Variants in DOCK2 observed in about 807,000 individuals in gnomAD.
DOCK2 encodes the protein dedicator of cytokinesis protein 2.
In DOCK2, 87 loss-of-function variants were observed where a neutral mutation model predicts 248.9. The ratio of observed to expected loss-of-function variants is 0.35; its 90% CI spans 0.29 to 0.42. The LOEUF (loss-of-function observed/expected upper bound fraction) is 0.42, where lower values mean the gene tolerates loss of function less well. DOCK2 is among the 10% of genes least tolerant of loss of function. The probability of loss-of-function intolerance (pLI) is 1.00; values close to 1 mark genes in which losing one functional copy is unlikely to be tolerated. For synonymous variants in DOCK2, 805 were observed against 821.6 expected (o/e 0.98, Z 0.35); for missense variants, 1,747 against 2,300.2 (o/e 0.76, Z 4.92).
chr5:169,780,047 G>A (rs1017863778), intron 25 of DOCK2, among the ~76,000 whole-genome samples: 10 of 152,150 alleles, frequency 6.6e-5, no homozygotes, highest in East Asian at 1.9e-4. Context: ...CAGACCCAGC[G>A]TCTTCTAATC....
chr5:170,063,043 T>C (rs1211592941), intron 44 of DOCK2, among the ~76,000 whole-genome samples: 2 of 152,216 alleles, frequency 1.3e-5, no homozygotes, highest in Non-Finnish European at 2.9e-5. Flanking sequence ...GTTTCCCAAC[T>C]TTTACAGCTT....
At chr5:169,680,393 A>T (rs1759594034) in intron 6 of DOCK2, among the ~76,000 whole-genome samples, 1 of 152,234 alleles carries the variant, frequency 6.6e-6, no homozygotes, top group South Asian at 2.1e-4. Flanking sequence ...TAGTTGAAAC[A>T]AATCAATACC....
At chr5:169,884,029 C>T (rs1232018349) in intron 27 of DOCK2, 10 of 814,652 alleles carry the variant, frequency 1.2e-5, no homozygotes, top group Non-Finnish European at 1.8e-5. Context: ...TGGTCCTCTC[C>T]TCTTAGTATG....
intron 27 of DOCK2, among the ~76,000 whole-genome samples, chr5:169,847,356 G>A (rs948566764): frequency 6.6e-6 from 1 of 152,076 alleles, no homozygotes; most frequent in African/African-American, 2.4e-5. Flanking sequence ...TGCCAACATC[G>A]ATTGTTTTTT....
At position 169,910,486 on chromosome 5, in the gene DOCK2, C is replaced by T. The variant is rs372996841; in HGVS notation, c.2799+69634C>T. Among the ~76,000 whole-genome samples, 554 of 152,254 alleles carry T rather than the reference C, an allele frequency of 3.6e-3. 35 individuals are homozygous for T. In the South Asian group the frequency reaches 0.11, roughly 30 times the overall value. On this transcript the variant is annotated intron_variant, in intron 27 of 51. Coordinates refer to ENST00000520908, the MANE Select transcript of DOCK2 (RefSeq NM_004946.3). ...TGATTGTGCCGCCTGTGGTTGGAGG[C>T]GTGCTTACCTTTTCTCAGGCCTGAT... is the stretch of plus-strand genomic sequence containing the variant.
At position 169,702,381 on chromosome 5, in the gene DOCK2, TG is replaced by T; in HGVS notation, c.1339del (p.Glu447LysfsTer27). ...TACAACAAGACCACACAGAGGAATG[TG>T]GAAGTCATCATGTGTGTGTGCGCGG... is the stretch of plus-strand genomic sequence containing the variant. Reference protein sequence around the residue: ...DKYNKTTQRNVEVIMCVCAED... With the variant: ...DKYNKTTQRNXEVIMCVCAED... On this transcript the variant is annotated frameshift_variant, in exon 14 of 52. Coordinates refer to ENST00000520908, the MANE Select transcript of DOCK2 (RefSeq NM_004946.3). LOFTEE classifies it high-confidence loss of function. The T allele has an allele frequency of 6.2e-7, 1 of 1,613,984 alleles. No individual in the cohort carries two copies. Among genetic ancestry groups the T allele is most frequent in the Non-Finnish European group, 8.5e-7 (1 of 1,179,908 alleles).
intron 22 of DOCK2, among the ~76,000 whole-genome samples, chr5:169,736,147 G>T (rs572383999): frequency 1.3e-5 from 2 of 152,324 alleles, no homozygotes; most frequent in East Asian, 3.9e-4. Flanking sequence ...TTTGACAGGA[G>T]ATTTGGGCGG....
chr5:170,067,738 G>A (rs758155212), intron 45 of DOCK2, 52 bp downstream of exon 45: 1 of 1,592,910 alleles, frequency 6.3e-7, no homozygotes, highest in South Asian at 1.1e-5. Flanking sequence ...CAGAGCAGTG[G>A]TGGGAGGACC....
chr5:169,693,784 A>G (rs953934019), intron 9 of DOCK2, among the ~76,000 whole-genome samples: 1 of 152,168 alleles, frequency 6.6e-6, no homozygotes, highest in African/African-American at 2.4e-5. Flanking sequence ...TTGCGATCCT[A>G]AAGGCAGGCT....
At chr5:169,762,726 A>G (rs1581155015) in intron 25 of DOCK2, among the ~76,000 whole-genome samples, 1 of 152,188 alleles carries the variant, frequency 6.6e-6, no homozygotes, top group South Asian at 2.1e-4. Context: ...GTATCCTAAG[A>G]CCCAGCCTCT....
At chr5:169,820,695 T>C (rs879440003) in intron 26 of DOCK2, among the ~76,000 whole-genome samples, 1 of 152,044 alleles carries the variant, frequency 6.6e-6, no homozygotes, top group Non-Finnish European at 1.5e-5. Flanking sequence ...AACTGAAAAT[T>C]CTAAAAATCA....
At chr5:169,852,629 T>C (rs1019386094) in intron 27 of DOCK2, among the ~76,000 whole-genome samples, 1 of 152,234 alleles carries the variant, frequency 6.6e-6, no homozygotes, top group Non-Finnish European at 1.5e-5. Flanking sequence ...AATAAAAACA[T>C]GTTTGAAGCT....
intron 27 of DOCK2, among the ~76,000 whole-genome samples, chr5:169,979,620 A>G (rs899259062): frequency 2.3e-4 from 35 of 152,198 alleles, no homozygotes; most frequent in Admixed American, 2.0e-4. Flanking sequence ...TAGACACCAT[A>G]GCAGAAAAAA....
chr5:170,043,291 T>A (rs1756582369), intron 38 of DOCK2, among the ~76,000 whole-genome samples: 1 of 152,180 alleles, frequency 6.6e-6, no homozygotes. Flanking sequence ...GTACCTTCTT[T>A]CTAGTTGTAC....
In DOCK2 at chr5:169,654,571, G is replaced by A. The variant is rs1302996092; in HGVS notation, c.127+85G>A. On this transcript the variant is annotated intron_variant, in intron 2 of 51. Transcript: ENST00000520908. Reference sequence around the variant, plus strand: ...ACCCAGGCCCCTCAGCGCTGTCTCTGAACCTGCAACTGTGTGGTCTATTTA... The same window carrying A: ...ACCCAGGCCCCTCAGCGCTGTCTCTAAACCTGCAACTGTGTGGTCTATTTA... The A allele has an allele frequency of 3.6e-6, 5 of 1,401,506 alleles. No homozygotes were observed. In the African/African-American group the frequency reaches 4.3e-5, roughly 12 times the overall value. 86.8% of individuals were successfully genotyped at this position (1,401,506 alleles called of 1,614,324 possible). A position where few individuals can be genotyped will look rare whatever the true frequency, so the allele number is the denominator to read the frequency against.
At chr5:169,765,068 G>GCACACACACACACACA (rs764611025) in intron 25 of DOCK2, among the ~76,000 whole-genome samples, 16 of 79,754 alleles carry the variant, frequency 2.0e-4, no homozygotes, top group African/African-American at 3.5e-4. Flanking sequence ...GGCTCTTTTA[G>GCACACACACACACACA]CGCACACACA....
intron 6 of DOCK2, among the ~76,000 whole-genome samples, chr5:169,681,261 T>C (rs1233731664): frequency 6.6e-6 from 1 of 151,552 alleles, no homozygotes; most frequent in Non-Finnish European, 1.5e-5. Flanking sequence ...GTAGCTGGGA[T>C]TACAGGAGCT....
chr5:169,669,369 C>T (rs754639964), intron 3 of DOCK2, 41 bp downstream of exon 3: 2 of 1,608,478 alleles, frequency 1.2e-6, no homozygotes, highest in South Asian at 1.1e-5. Context: ...TACTGGAGGT[C>T]TTCATATGGC....
At chr5:169,983,741 T>G (rs1310152743) in intron 28 of DOCK2, among the ~76,000 whole-genome samples, 3 of 152,208 alleles carry the variant, frequency 2.0e-5, no homozygotes, top group Non-Finnish European at 2.9e-5. Context: ...CCTTTCTCTC[T>G]GTCTTGTTGC....
Sources: allele counts gnomAD v4.1 joint callset (sites outside exome capture counted in the v4.1 genomes callset), GRCh38; gene constraint gnomAD v4.1.1; transcripts MANE v1.5; gene names NCBI Gene and HGNC (gene_info 2026-07-23, HGNC 2026-07-21).